The following PRMT7 variants were observed in gnomAD, a reference collection of about 807,000 sequenced individuals.
PRMT7 encodes the protein protein arginine methyltransferase 7.
Under a neutral mutation model 85.4 loss-of-function variants are expected in PRMT7, and 75 were observed. The ratio of observed to expected loss-of-function variants is 0.88; its 90% CI spans 0.73 to 1.06. The LOEUF (loss-of-function observed/expected upper bound fraction) is 1.06. Among genes scored for constraint, PRMT7 ranks in the 50% least tolerant of loss-of-function variants. PRMT7 has a pLI of 0.00. For synonymous variants in PRMT7, 397 were observed against 359.5 expected (o/e 1.10, Z -1.18); for missense variants, 868 against 915.2 (o/e 0.95, Z 0.67).
Position 68,339,758 on chromosome 16 carries a change from C to G in PRMT7, c.747-30C>G, listed in dbSNP as rs1043096353. On this transcript the variant is annotated intron_variant, in intron 8 of 18. Transcript: ENST00000441236. Reference sequence around the variant, plus strand: ...AAAATGGAGTGTGTGAGGTTAAACTCTGCTTACATTCTTGAATATTATTCC... The same window carrying G: ...AAAATGGAGTGTGTGAGGTTAAACTGTGCTTACATTCTTGAATATTATTCC... The G allele has an allele frequency of 1.9e-6, 3 of 1,604,706 alleles. No individual in the cohort carries two copies. In the African/African-American group the frequency reaches 4.0e-5, roughly 21 times the overall value.
At chr16:68,354,282 AG>A (rs2151920715) in intron 16 of PRMT7, 1 of 152,426 alleles carries the variant, frequency 6.6e-6, no homozygotes, top group South Asian at 2.1e-4. Flanking sequence ...CAGGAGGCTG[AG>A]GTGGGAGGAT....
chr16:68,326,552 C>G (rs1381034284), intron 5 of PRMT7, among the ~76,000 whole-genome samples: 1 of 152,122 alleles, frequency 6.6e-6, no homozygotes, highest in South Asian at 2.1e-4. Flanking sequence ...TGCCTTGTTC[C>G]TCTTTTTTAA....
rs2088731718 is a variant in PRMT7, at chr16:68,357,188, C to T, written c.2043C>T (p.Ile681=). The change falls in exon 19 of 19, where the codon ATC becomes ATT. Residue 681 remains isoleucine, a synonymous_variant. Transcript: ENST00000441236. The stretch of plus-strand genomic sequence containing the variant: ...AGTTTCACCCCGACACAGGCGACAT[C>T]ATCATGGAGTTCAGGCATGCAGATA... ...AVEFHPDTGD[I]IMEFRHADTP... is the part of the protein sequence containing the mutation. The T allele has an allele frequency of 1.2e-6, 2 of 1,613,778 alleles. No homozygotes were observed. Among genetic ancestry groups the T allele is most frequent in the African/African-American group, 1.3e-5 (1 of 74,936 alleles).
At chr16:68,324,592 G>T in intron 4 of PRMT7, 91 bp from the exon 5 acceptor site, 1 of 1,501,476 alleles carries the variant, frequency 6.7e-7, no homozygotes, top group African/African-American at 1.4e-5. Context: ...GACTTGCACT[G>T]CCACTGCCAG....
At chr16:68,354,287 G>A (rs2087920458) in intron 16 of PRMT7, 1 of 152,324 alleles carries the variant, frequency 6.6e-6, no homozygotes, top group African/African-American at 2.4e-5. Context: ...GGCTGAGGTG[G>A]GAGGATGGCT....
chr16:68,340,126 C>G (rs1223738006), intron 9 of PRMT7, among the ~76,000 whole-genome samples, 158 bp downstream of exon 9: 5 of 152,198 alleles, frequency 3.3e-5, no homozygotes, highest in African/African-American at 1.2e-4. Flanking sequence ...CAAAGGCTAG[C>G]TGTAGTAACG....
downstream of PRMT7, chr16:68,359,078 C>T (rs1399159758): frequency 6.6e-6 from 1 of 152,632 alleles, no homozygotes; most frequent in Non-Finnish European, 1.5e-5. Context: ...GCAGCCCTGA[C>T]TCCCACGCCT....
At chr16:68,328,242 C>A in intron 5 of PRMT7, 1 of 201,790 alleles carries the variant, frequency 5.0e-6, no homozygotes, top group African/African-American at 2.4e-5. Context: ...CAGGTCAGAA[C>A]AACTTTGATG....
chr16:68,311,483 A>C (rs560789253), intron 1 of PRMT7: 22 of 171,884 alleles, frequency 1.3e-4, no homozygotes, highest in Middle Eastern at 5.7e-3. Context: ...ACTACACGCC[A>C]ACCAGAGTGG....
chr16:68,320,705 C>T (rs1010287298), intron 3 of PRMT7, among the ~76,000 whole-genome samples: 30 of 152,312 alleles, frequency 2.0e-4, no homozygotes, highest in Admixed American at 3.3e-4. Flanking sequence ...ATTTGGGGGC[C>T]TGTTCCCAGC....
In PRMT7 at chr16:68,339,904, C is replaced by G; in HGVS notation, c.863C>G (p.Pro288Arg). The change falls in exon 9 of 19, where the codon CCT becomes CGT. Residue 288 changes from proline to arginine, a missense_variant. Coordinates refer to ENST00000441236, the MANE Select transcript of PRMT7 (RefSeq NM_019023.5). The stretch of plus-strand genomic sequence containing the variant: ...TCGTGGTGGGACATTGAAATGGACC[C>G]TGAGGGGAAGATCAAGTGCACCATG... ...VLSWWDIEMD[P>R]EGKIKCTMAP... The G allele has an allele frequency of 6.2e-7, 1 of 1,614,156 alleles. No individual in the cohort carries two copies.
chr16:68,311,220 C>G (rs1356098035), intron 1 of PRMT7, 121 bp downstream of exon 1: 10 of 521,130 alleles, frequency 1.9e-5, no homozygotes, highest in Non-Finnish European at 3.5e-5. Flanking sequence ...TTGGACTCCT[C>G]CGCGTGGGGC....
intron 2 of PRMT7, among the ~76,000 whole-genome samples, chr16:68,314,362 C>G (rs2151316924): frequency 6.6e-6 from 1 of 152,336 alleles, no homozygotes; most frequent in Middle Eastern, 3.4e-3. Flanking sequence ...TCCTGAGTAG[C>G]TGGGAATACA....
chr16:68,314,119 G>T (rs772740587), intron 2 of PRMT7, among the ~76,000 whole-genome samples: 2 of 152,196 alleles, frequency 1.3e-5, no homozygotes, highest in East Asian at 3.8e-4. Flanking sequence ...TAGACTAGGG[G>T]ATAGGTATGC....
intron 5 of PRMT7, among the ~76,000 whole-genome samples, chr16:68,325,212 T>C (rs998287922): frequency 6.6e-5 from 10 of 152,066 alleles, no homozygotes; most frequent in African/African-American, 2.2e-4. Context: ...CTTTTAAATA[T>C]TAGCTGGGCA....
chr16:68,318,091 A>G (rs946376486), intron 3 of PRMT7, among the ~76,000 whole-genome samples: 20 of 152,186 alleles, frequency 1.3e-4, no homozygotes, highest in Non-Finnish European at 2.5e-4. Flanking sequence ...ATATACTTCA[A>G]TATAGTAATA....
chr16:68,347,352 G>A lies in PRMT7; in HGVS notation c.1275+58G>A, dbSNP rs145095914. 1.4e-4 allele frequency: 203 copies of A among 1,453,370 alleles called. No homozygotes were observed. In the South Asian group the frequency reaches 1.5e-3, roughly 11 times the overall value. 90.0% of individuals were successfully genotyped at this position (1,453,370 alleles called of 1,614,324 possible). On this transcript the variant is annotated intron_variant, in intron 12 of 18. Transcript: ENST00000441236. Reference sequence around the variant, plus strand: ...GTGGGCTTGTGAGTTAGAGCATTGCGTGGTCCGGGTGCACAATTCTGTGAT... The same window carrying A: ...GTGGGCTTGTGAGTTAGAGCATTGCATGGTCCGGGTGCACAATTCTGTGAT...
chr16:68,356,721 C>T lies in PRMT7; in HGVS notation c.1832C>T (p.Ala611Val), dbSNP rs201638964. The T allele has an allele frequency of 1.1e-5, 17 of 1,611,962 alleles. No individual in the cohort carries two copies. Among genetic ancestry groups the T allele is most frequent in the South Asian group, 2.2e-5 (2 of 90,846 alleles). The change falls in exon 18 of 19, where the codon GCG (alanine) becomes GTG (valine). Residue 611 changes from alanine (A) to valine (V), a missense_variant. Physicochemically the swap from Ala to Val is moderately conservative, Grantham distance 64 (BLOSUM62 0). Transcript: ENST00000441236. ...GACAGGCCCGGGCAGAGCCACGCAG[C>T]GGTGCTATGGATGGAGTACCACCTG... ...ELRRPGQSHAAVLWMEYHLTP... is the reference protein window; with the variant it reads ...ELRRPGQSHAVVLWMEYHLTP...
At chr16:68,335,340 G>T (rs558283373) in intron 6 of PRMT7, among the ~76,000 whole-genome samples, 1 of 142,638 alleles carries the variant, frequency 7.0e-6, no homozygotes, top group Non-Finnish European at 1.5e-5. Flanking sequence ...ATGATGCCCA[G>T]ATTCCTGGAC....
Sources: gnomAD v4.1 joint callset for allele counts (sites outside exome capture counted in the v4.1 genomes callset) on GRCh38, gnomAD v4.1.1 for gene constraint, MANE v1.5 for transcripts, NCBI Gene and HGNC (gene_info 2026-07-23, HGNC 2026-07-21) for gene names.